Variants in FAM20C observed in about 807,000 individuals in gnomAD.
FAM20C encodes FAM20C golgi associated secretory pathway kinase, also known as extracellular serine/threonine protein kinase FAM20C.
FAM20C carries 40 observed loss-of-function variants against 51.5 expected under a neutral mutation model. That is an observed-to-expected ratio of 0.78 (90% CI 0.60 to 1.01). The LOEUF is 1.01. FAM20C is among the 50% of genes least tolerant of loss of function. The pLI is 0.00. For synonymous variants in FAM20C, 406 were observed against 380.6 expected (o/e 1.07, Z -0.78); for missense variants, 861 against 844.7 (o/e 1.02, Z -0.24).
intron 1 of FAM20C, 51 bp downstream of exon 1, chr7:193,855 G>A (rs904557178): frequency 1.3e-6 from 2 of 1,536,974 alleles, no homozygotes; most frequent in African/African-American, 2.8e-5. Context: ...TGAGCCCAAG[G>A]CATGGTGTAG....
intron 3 of FAM20C, among the ~76,000 whole-genome samples, chr7:233,351 C>A (rs1355184552): frequency 6.6e-6 from 1 of 152,222 alleles, no homozygotes; most frequent in East Asian, 1.9e-4. Flanking sequence ...CGTAATTTCA[C>A]AGCCTTTCCA....
chr7:223,845 G>A lies in FAM20C; in HGVS notation c.863+14869G>A, dbSNP rs549274921. 1.9e-4 allele frequency among the ~76,000 whole-genome samples: 29 copies of A among 149,130 alleles called. 1 individual carries two copies. Among genetic ancestry groups the A allele is most frequent in the African/African-American group, 4.9e-4 (19 of 38,906 alleles). On this transcript the variant is annotated intron_variant, in intron 3 of 9. Coordinates refer to ENST00000313766, the MANE Select transcript of FAM20C (RefSeq NM_020223.4). ...AAGAACAATCCTGAAATGAGCTTTC[G>A]AGAGACTCTATGGGGTCCCCTGCCC... is the stretch of plus-strand genomic sequence containing the variant.
chr7:226,087 T>A (rs527600369), intron 3 of FAM20C, among the ~76,000 whole-genome samples: 35 of 152,110 alleles, frequency 2.3e-4, no homozygotes, highest in Admixed American at 6.5e-4. Context: ...ATCTTGGGGG[T>A]CAGACACCAG....
intron 3 of FAM20C, among the ~76,000 whole-genome samples, chr7:216,969 C>T (rs1200704100): frequency 1.3e-5 from 2 of 152,074 alleles, no homozygotes; most frequent in South Asian, 2.1e-4. Flanking sequence ...CGGGGGCCCA[C>T]CCTGAACGGC....
chr7:254,774 C>T (rs138746727), intron 5 of FAM20C, among the ~76,000 whole-genome samples: 21,791 of 152,180 alleles, frequency 0.14, 1,965 homozygotes, highest in African/African-American at 0.26. Flanking sequence ...ACCCCGCAGC[C>T]CTCGACGAGC....
At chr7:248,590 G>T (rs1788269258) in intron 5 of FAM20C, among the ~76,000 whole-genome samples, 160 bp downstream of exon 5, 1 of 147,234 alleles carries the variant, frequency 6.8e-6, no homozygotes, top group Non-Finnish European at 1.5e-5. Flanking sequence ...CCTGGCACGG[G>T]GGGCCGCATT....
intron 1 of FAM20C, among the ~76,000 whole-genome samples, chr7:194,993 C>A (rs1193849686): frequency 2.0e-5 from 3 of 152,236 alleles, no homozygotes; most frequent in Non-Finnish European, 4.4e-5. Flanking sequence ...GGAGAGAGTG[C>A]TGCCTCCTTC....
intron 2 of FAM20C, among the ~76,000 whole-genome samples, chr7:201,274 T>C (rs2115051010): frequency 6.6e-6 from 1 of 152,246 alleles, no homozygotes; most frequent in East Asian, 1.9e-4. Flanking sequence ...ACGGACGAGA[T>C]GACCAGGGCC....
chr7:193,663 G>T lies in FAM20C; in HGVS notation c.464G>T (p.Gly155Val), dbSNP rs1399021673. 1 of 1,538,152 alleles carries T rather than the reference G, an allele frequency of 6.5e-7. No individual in the cohort carries two copies. Among genetic ancestry groups the T allele is most frequent in the South Asian group, 1.2e-5 (1 of 82,970 alleles). The change falls in exon 1 of 10, where the codon GGC becomes GTC. Residue 155 changes from glycine (G) to valine (V), a missense_variant. Physicochemically the swap from Gly to Val is moderately radical, Grantham distance 109. Around this residue, in one of 3 missense-constraint regions of FAM20C, gnomAD observed 561 missense variants for 499.8 expected, o/e 1.12. Coordinates refer to ENST00000313766, the MANE Select transcript of FAM20C (RefSeq NM_020223.4). ...CGGTCCGAGTCGCCCCCCGGCCCCG[G>T]CGGAGACGCCTCCCTCCTGGCCAGG... ...PRRSESPPGP[G>V]GDASLLARLF...
intron 2 of FAM20C, among the ~76,000 whole-genome samples, chr7:196,568 A>G (rs1216261659): frequency 6.6e-6 from 1 of 152,168 alleles, no homozygotes; most frequent in Non-Finnish European, 1.5e-5. Flanking sequence ...AGAGGCCATG[A>G]CAGCCTGAAG....
chr7:232,769 C>T (rs990858266), intron 3 of FAM20C, among the ~76,000 whole-genome samples: 3 of 152,226 alleles, frequency 2.0e-5, no homozygotes, highest in Non-Finnish European at 4.4e-5. Flanking sequence ...ACCGGCCCCT[C>T]GGCCGTGCCG....
At chr7:257,780 CCGGGG>C (rs1788647543) in intron 8 of FAM20C, among the ~76,000 whole-genome samples, 1 of 146,546 alleles carries the variant, frequency 6.8e-6, no homozygotes, top group African/African-American at 2.5e-5. Context: ...GACCCACTGC[CCGGGG>C]TGCTGGAGAT....
intron 4 of FAM20C, among the ~76,000 whole-genome samples, chr7:247,293 G>A (rs1156400451): frequency 6.6e-6 from 1 of 152,182 alleles, no homozygotes; most frequent in Non-Finnish European, 1.5e-5. Context: ...GCAGTAAACG[G>A]GCCTGGCCCA....
intron 2 of FAM20C, among the ~76,000 whole-genome samples, chr7:196,059 AG>A (rs1302613075): frequency 6.6e-6 from 1 of 152,116 alleles, no homozygotes; most frequent in Non-Finnish European, 1.5e-5. Context: ...AGAGGAATAG[AG>A]GGGTATCTCT....
chr7:219,985 T>C (rs1035984951), intron 3 of FAM20C, among the ~76,000 whole-genome samples: 1 of 152,044 alleles, frequency 6.6e-6, no homozygotes, highest in African/African-American at 2.4e-5. Context: ...AGGACCCCTT[T>C]GTGTCCACAC....
intron 2 of FAM20C, among the ~76,000 whole-genome samples, chr7:200,682 A>G (rs12718123): frequency 0.12 from 17,740 of 152,264 alleles, 1,335 homozygotes; most frequent in East Asian, 0.29. Context: ...CCTTGAAGAA[A>G]ATCGTGGAAT....
intron 2 of FAM20C, among the ~76,000 whole-genome samples, chr7:202,184 G>A (rs1311389024): frequency 1.3e-5 from 2 of 152,262 alleles, no homozygotes; most frequent in Non-Finnish European, 2.9e-5. Flanking sequence ...CTTCCCATGT[G>A]CATAGAGAGG....
chr7:201,836 G>A (rs907178107), intron 2 of FAM20C, among the ~76,000 whole-genome samples: 1 of 152,216 alleles, frequency 6.6e-6, no homozygotes, highest in Non-Finnish European at 1.5e-5. Context: ...CCGAGGGTCT[G>A]TGTGGCCCCG....
intron 3 of FAM20C, among the ~76,000 whole-genome samples, chr7:226,969 G>A (rs1787471287): frequency 6.6e-6 from 1 of 152,156 alleles, no homozygotes; most frequent in Admixed American, 6.5e-5. Context: ...CGTCCCTGCA[G>A]CCGTCCAAGC....
Sources: allele counts gnomAD v4.1 joint callset (sites outside exome capture counted in the v4.1 genomes callset), GRCh38; gene constraint gnomAD v4.1.1; regional missense constraint gnomAD v4.1.1; transcripts MANE v1.5; gene names NCBI Gene and HGNC (gene_info 2026-07-23, HGNC 2026-07-21).